CTNNA2: variants seen among roughly 807,000 people sequenced by gnomAD.
CTNNA2 encodes catenin alpha-2.
A neutral mutation model predicts 101.0 loss-of-function variants in CTNNA2; 42 were observed. The observed-to-expected ratio is 0.42, with a 90% confidence interval of 0.32 to 0.54. The LOEUF is 0.54. CTNNA2 is among the 20% of genes least tolerant of loss of function. The probability of loss-of-function intolerance (pLI) is 0.14; values close to 1 mark genes in which losing one functional copy is unlikely to be tolerated. For synonymous variants in CTNNA2, 450 were observed against 456.4 expected, an observed-to-expected ratio of 0.99 and a Z score of 0.18; for missense variants, 871 against 1,223.1, an observed-to-expected ratio of 0.71 and a Z score of 4.29.
chr2:80,542,727 G>A (rs1420861271), intron 9 of CTNNA2, among the ~76,000 whole-genome samples: 1 of 151,916 alleles, frequency 6.6e-6, no homozygotes, highest in East Asian at 1.9e-4. Flanking sequence ...GGATGGTACG[G>A]GGCAAAAACA....
chr2:80,545,021 G>A lies in CTNNA2; in HGVS notation c.1330G>A (p.Gly444Arg). 6.2e-7 allele frequency: 1 copy of A among 1,614,068 alleles called. No homozygotes were observed. The highest frequency in any genetic ancestry group is 8.5e-7 in the Non-Finnish European group (1 of 1,179,964). The change falls in exon 10 of 19, where the codon GGG (glycine) becomes AGG (arginine). Residue 444 changes from glycine to arginine, a missense_variant. By Grantham distance (125) the Gly-to-Arg change is moderately radical. Coordinates refer to ENST00000402739, the MANE Select transcript of CTNNA2 (RefSeq NM_001282597.3). ...LACSISNNEE[G>R]VKLVRMAATQ... is the part of the protein sequence containing the mutation. Reference sequence around the variant, plus strand: ...CTGTTCCATCTCCAACAATGAAGAAGGGGTGAAATTAGTTCGGATGGCAGC... The same window carrying A: ...CTGTTCCATCTCCAACAATGAAGAAAGGGTGAAATTAGTTCGGATGGCAGC...
At chr2:80,090,186 G>T (rs1699709930) in intron 7 of CTNNA2, among the ~76,000 whole-genome samples, 5 of 140,882 alleles carry the variant, frequency 3.5e-5, no homozygotes, top group Non-Finnish European at 6.2e-5. Context: ...GTGTGTGTGT[G>T]TGTTTGTGTG....
intron 18 of CTNNA2, among the ~76,000 whole-genome samples, chr2:80,639,522 TG>T (rs1673235274): frequency 1.8e-5 from 2 of 113,686 alleles, no homozygotes; most frequent in Non-Finnish European, 3.4e-5. Context: ...GATGTGTGTG[TG>T]TGTGTGTGTG....
At chr2:80,143,275 C>T (rs538576688) in intron 7 of CTNNA2, among the ~76,000 whole-genome samples, 5 of 152,052 alleles carry the variant, frequency 3.3e-5, no homozygotes, top group African/African-American at 1.2e-4. Context: ...AGAATGACTT[C>T]TATGTATTTT....
At chr2:80,471,852 C>T (rs897854588) in intron 9 of CTNNA2, among the ~76,000 whole-genome samples, 6 of 151,956 alleles carry the variant, frequency 3.9e-5, no homozygotes, top group Non-Finnish European at 5.9e-5. Flanking sequence ...GGTGGCCGGG[C>T]GTAGTGGCCC....
chr2:79,666,567 C>T (rs72822528), intron 2 of CTNNA2, among the ~76,000 whole-genome samples: 2,629 of 152,230 alleles, frequency 0.017, 29 homozygotes, highest in Non-Finnish European at 0.027. Context: ...CTGGAATTGT[C>T]ATCATTATTC....
At chr2:80,174,974 G>T (rs1247119927) in intron 7 of CTNNA2, among the ~76,000 whole-genome samples, 2 of 152,024 alleles carry the variant, frequency 1.3e-5, no homozygotes, top group African/African-American at 2.4e-5. Flanking sequence ...CTCTCCCACT[G>T]CTTCATATTT....
At chr2:80,185,649 T>C (rs1400355689) in intron 7 of CTNNA2, among the ~76,000 whole-genome samples, 1 of 152,196 alleles carries the variant, frequency 6.6e-6, no homozygotes, top group Admixed American at 6.5e-5. Context: ...GAATGGAGTG[T>C]TTCTCAATCC....
intron 2 of CTNNA2, among the ~76,000 whole-genome samples, chr2:79,272,380 A>G (rs1025892969): frequency 3.3e-5 from 5 of 152,116 alleles, no homozygotes; most frequent in Non-Finnish European, 7.4e-5. Flanking sequence ...ATTAGCTTCC[A>G]ATTAAAAACT....
At chr2:79,743,037 A>G (rs956495291) in intron 2 of CTNNA2, among the ~76,000 whole-genome samples, 24 of 152,206 alleles carry the variant, frequency 1.6e-4, no homozygotes, top group Admixed American at 1.6e-3. Flanking sequence ...GATTTGGAGT[A>G]AACCTCAGAA....
intron 4 of CTNNA2, among the ~76,000 whole-genome samples, chr2:79,495,709 T>C (rs1270910527): frequency 6.6e-6 from 1 of 152,190 alleles, no homozygotes; most frequent in Non-Finnish European, 1.5e-5. Flanking sequence ...ATAACATATC[T>C]ATTAATTGAT....
intron 1 of CTNNA2, among the ~76,000 whole-genome samples, chr2:79,593,694 C>T (rs141204423): frequency 4.2e-4 from 64 of 152,110 alleles, no homozygotes; most frequent in South Asian, 2.1e-3. Flanking sequence ...GTCTGTCACT[C>T]CCCTGCTTCT....
At chr2:79,793,204 A>G (rs1675421276) in intron 3 of CTNNA2, among the ~76,000 whole-genome samples, 1 of 152,246 alleles carries the variant, frequency 6.6e-6, no homozygotes, top group Non-Finnish European at 1.5e-5. Context: ...TTGCAGTGCC[A>G]GCAAGCTAAC....
At chr2:79,677,448 T>C (rs1169050895) in intron 2 of CTNNA2, among the ~76,000 whole-genome samples, 2 of 152,302 alleles carry the variant, frequency 1.3e-5, no homozygotes, top group Admixed American at 6.5e-5. Flanking sequence ...TAGAATGGCA[T>C]AGGCGGATCA....
At chr2:80,455,804 G>C (rs1177425508) in intron 9 of CTNNA2, among the ~76,000 whole-genome samples, 1 of 152,174 alleles carries the variant, frequency 6.6e-6, no homozygotes, top group African/African-American at 2.4e-5. Context: ...TGTCAGATGA[G>C]GGGAGGAGGA....
chr2:79,526,003 GT>G (rs1191073301), intron 1 of CTNNA2, among the ~76,000 whole-genome samples: 4 of 151,930 alleles, frequency 2.6e-5, no homozygotes, highest in African/African-American at 9.7e-5. Context: ...TTTGTTTGCT[GT>G]TTATGAATAG....
intron 9 of CTNNA2, among the ~76,000 whole-genome samples, chr2:80,486,726 G>T (rs1686614997): frequency 6.6e-6 from 1 of 152,114 alleles, no homozygotes; most frequent in Admixed American, 6.5e-5. Flanking sequence ...AATGCAGAGA[G>T]ATCCTATTTA....
chr2:79,200,045 G>GAC (rs1198465614), intron 2 of CTNNA2, among the ~76,000 whole-genome samples: 4 of 152,020 alleles, frequency 2.6e-5, no homozygotes, highest in African/African-American at 4.8e-5. Flanking sequence ...GAGAGAGAGA[G>GAC]AGAGAGACCA....
At chr2:80,183,192 A>G (rs1705895360) in intron 7 of CTNNA2, among the ~76,000 whole-genome samples, 3 of 152,072 alleles carry the variant, frequency 2.0e-5, no homozygotes, top group African/African-American at 7.2e-5. Context: ...CCTCTCCCTC[A>G]CCAGCATACA....
Sources: gnomAD v4.1 joint callset for allele counts (sites outside exome capture counted in the v4.1 genomes callset) on GRCh38, gnomAD v4.1.1 for gene constraint, MANE v1.5 for transcripts, NCBI Gene and HGNC (gene_info 2026-07-23, HGNC 2026-07-21) for gene names.